GPATCH2L: variants seen among roughly 807,000 people sequenced by gnomAD.
GPATCH2L encodes G-patch domain containing 2 like.
Under a neutral mutation model 57.4 loss-of-function variants are expected in GPATCH2L, and 31 were observed. The ratio of observed to expected loss-of-function variants is 0.54; its 90% CI spans 0.41 to 0.73. The LOEUF is 0.73. GPATCH2L is among the 30% of genes least tolerant of loss of function. The pLI is 0.00. For synonymous variants in GPATCH2L, 199 were observed against 210.7 expected (o/e 0.94, Z 0.48); for missense variants, 481 against 599.9 (o/e 0.80, Z 2.07).
chr14:76,216,636 T>G (rs972233949), downstream of GPATCH2L, among the ~76,000 whole-genome samples: 7 of 152,180 alleles, frequency 4.6e-5, no homozygotes, highest in African/African-American at 9.7e-5. Context: ...AAAGATTTTA[T>G]GGGACCCCCA....
intron 2 of GPATCH2L, among the ~76,000 whole-genome samples, chr14:76,157,529 C>T (rs1189496345): frequency 6.6e-6 from 1 of 152,156 alleles, no homozygotes; most frequent in Non-Finnish European, 1.5e-5. Flanking sequence ...CTTGGATGTG[C>T]CACTGTTTAT....
chr14:76,194,206 A>G (rs190715604), intron 8 of GPATCH2L, among the ~76,000 whole-genome samples: 2 of 152,292 alleles, frequency 1.3e-5, no homozygotes, highest in East Asian at 1.9e-4. Flanking sequence ...CGTTTTCCCT[A>G]CTTTACACAT....
chr14:76,171,729 G>GAA (rs60245346), intron 3 of GPATCH2L, 114 bp from the exon 4 acceptor site: 460 of 563,526 alleles, frequency 8.2e-4, no homozygotes, highest in South Asian at 1.4e-3. Flanking sequence ...TCTCAAAAAG[G>GAA]AAAAAAAAAA....
intron 7 of GPATCH2L, among the ~76,000 whole-genome samples, chr14:76,180,230 G>A (rs990992579): frequency 4.6e-5 from 7 of 152,062 alleles, no homozygotes; most frequent in Non-Finnish European, 1.0e-4. Flanking sequence ...GATAAGGATA[G>A]TAAAGCTCAG....
At chr14:76,157,748 C>A (rs762245618) in intron 2 of GPATCH2L, among the ~76,000 whole-genome samples, 1 of 151,506 alleles carries the variant, frequency 6.6e-6, no homozygotes, top group Non-Finnish European at 1.5e-5. Flanking sequence ...TTTCTAATTT[C>A]CTTAAACTCA....
In GPATCH2L at chr14:76,173,633, C is replaced by T; in HGVS notation, c.984+8C>T. ...AGAAGGCTGGTTGGGAAGGTGATAC[C>T]TCTCACAGTTAGCTTGGCTCAGTGG... On this transcript the variant is annotated splice_region_variant and intron_variant, in intron 5 of 9. Coordinates refer to ENST00000261530, the MANE Select transcript of GPATCH2L (RefSeq NM_017926.4). 1.3e-6 allele frequency: 2 copies of T among 1,553,860 alleles called. No individual in the cohort carries two copies. The highest frequency in any genetic ancestry group is 1.8e-6 in the Non-Finnish European group (2 of 1,124,936).
chr14:76,198,200 T>C (rs567389737), intron 9 of GPATCH2L, among the ~76,000 whole-genome samples: 54 of 152,312 alleles, frequency 3.5e-4, no homozygotes, highest in African/African-American at 1.2e-3. Flanking sequence ...TGCAGGTGTC[T>C]AGTGCACAGA....
At chr14:76,191,163 T>C (rs1204917634) in intron 8 of GPATCH2L, among the ~76,000 whole-genome samples, 1 of 152,136 alleles carries the variant, frequency 6.6e-6, no homozygotes, top group African/African-American at 2.4e-5. Flanking sequence ...CTTTTGTCCC[T>C]CTTTTAGTTT....
chr14:76,201,014 C>T (rs535876670), intron 9 of GPATCH2L, among the ~76,000 whole-genome samples: 3 of 152,264 alleles, frequency 2.0e-5, no homozygotes, highest in South Asian at 4.1e-4. Flanking sequence ...GGATCCAGAT[C>T]GGTAAGTGTT....
intron 2 of GPATCH2L, among the ~76,000 whole-genome samples, chr14:76,161,638 G>A (rs1390145234): frequency 6.6e-6 from 1 of 152,158 alleles, no homozygotes; most frequent in Non-Finnish European, 1.5e-5. Context: ...GGTTTATTTT[G>A]TTGAAACTAG....
chr14:76,224,834 TA>T (rs752963305), intron 1 of GPATCH2L, among the ~76,000 whole-genome samples: 16 of 152,228 alleles, frequency 1.1e-4, no homozygotes, highest in Admixed American at 6.5e-5. Context: ...AAATCAATGA[TA>T]TTTTTATATA....
chr14:76,212,302 T>G lies in GPATCH2L; in HGVS notation c.*10451T>G, dbSNP rs2040450326. On this transcript the variant is annotated 3_prime_UTR_variant, in exon 10 of 10. Transcript: ENST00000261530. ...CAAACACTAATTTCATGTTATAAGA[T>G]TCAGAAAGGTTGAGCAAAAGTAAAC... 1 of 151,892 alleles carries G rather than the reference T, an allele frequency of 6.6e-6. No individual in the cohort carries two copies. Among genetic ancestry groups the G allele is most frequent in the South Asian group, 2.1e-4 (1 of 4,824 alleles). 9.4% of individuals were successfully genotyped at this position (151,892 alleles called of 1,614,324 possible).
rs1049610484 is a variant in GPATCH2L, at chr14:76,213,174, A to C, written c.*11323A>C. 1.3e-5 allele frequency: 2 copies of C among 152,204 alleles called. No homozygotes were observed. The highest frequency in any genetic ancestry group is 6.5e-5 in the Admixed American group (1 of 15,280). 9.4% of individuals were successfully genotyped at this position (152,204 alleles called of 1,614,324 possible). On this transcript the variant is annotated 3_prime_UTR_variant, in exon 10 of 10. Coordinates refer to ENST00000261530, the MANE Select transcript of GPATCH2L (RefSeq NM_017926.4). ...TTTAAAATATGTAGTAAAATATGTA[A>C]CATTTTAGCTAACATTACAAGAGAA...
intron 2 of GPATCH2L, among the ~76,000 whole-genome samples, chr14:76,234,093 G>C (rs556883270): frequency 1.4e-4 from 22 of 152,312 alleles, no homozygotes; most frequent in African/African-American, 4.8e-4. Flanking sequence ...CTGGGCAACA[G>C]AGCAAGAACC....
intron 8 of GPATCH2L, among the ~76,000 whole-genome samples, chr14:76,184,967 C>T (rs903441571): frequency 9.9e-5 from 15 of 152,158 alleles, no homozygotes; most frequent in Non-Finnish European, 1.8e-4. Flanking sequence ...ATAGGGTCTC[C>T]CCTTTCATAA....
At chr14:76,168,949 T>C (rs112707923) in intron 3 of GPATCH2L, among the ~76,000 whole-genome samples, 1 of 152,362 alleles carries the variant, frequency 6.6e-6, no homozygotes, top group African/African-American at 2.4e-5. Context: ...TTTGGCAGCC[T>C]TCTTTTATAA....
chr14:76,191,310 C>A (rs942587757), intron 8 of GPATCH2L, among the ~76,000 whole-genome samples: 7 of 152,020 alleles, frequency 4.6e-5, no homozygotes, highest in African/African-American at 1.7e-4. Flanking sequence ...GGTCAACCTC[C>A]TTATTTTTCC....
chr14:76,164,440 A>G (rs980990195), intron 2 of GPATCH2L, among the ~76,000 whole-genome samples: 1 of 152,062 alleles, frequency 6.6e-6, no homozygotes. Context: ...GATATTGCCA[A>G]ATTGGGACGG....
chr14:76,158,076 C>A (rs1354930084), intron 2 of GPATCH2L, among the ~76,000 whole-genome samples: 1 of 151,780 alleles, frequency 6.6e-6, no homozygotes, highest in Non-Finnish European at 1.5e-5. Context: ...TAATTTTGCT[C>A]TATTCTTTAC....
Sources: gnomAD v4.1 joint callset for allele counts (sites outside exome capture counted in the v4.1 genomes callset) on GRCh38, gnomAD v4.1.1 for gene constraint, MANE v1.5 for transcripts, NCBI Gene and HGNC (gene_info 2026-07-23, HGNC 2026-07-21) for gene names.